KSR2: variants seen among roughly 807,000 people sequenced by gnomAD.
KSR2 encodes the protein kinase suppressor of ras 2.
Under a neutral mutation model 107.8 loss-of-function variants are expected in KSR2, and 25 were observed. The observed-to-expected ratio is 0.23, with a 90% CI of 0.17 to 0.32. The LOEUF (loss-of-function observed/expected upper bound fraction) is 0.32, where lower values mean the gene tolerates loss of function less well. Ranked by LOEUF, KSR2 falls within the 10% of genes least tolerant of loss-of-function variation. The pLI is 1.00. For missense variants in KSR2, 887 were observed against 1,268.9 expected (o/e 0.70, Z 4.57); for synonymous variants, 480 against 507.0 (o/e 0.95, Z 0.71).
Position 117,749,364 on chromosome 12 carries a change from T to A in KSR2, c.986+11647A>T, listed in dbSNP as rs546804680. Reference sequence around the variant, plus strand: ...TCACAAGGCTAATTAGTAGCCAAGGTGGGATTCACCTTGGGCTCCTTCTAA... The same window carrying A: ...TCACAAGGCTAATTAGTAGCCAAGGAGGGATTCACCTTGGGCTCCTTCTAA... On this transcript the variant is annotated intron_variant, in intron 4 of 19. Transcript: ENST00000339824. Among the ~76,000 whole-genome samples the A allele has an allele frequency of 4.0e-5, 6 of 151,832 alleles. No homozygotes were observed. In the East Asian group the frequency reaches 7.9e-4, roughly 20 times the overall value.
At chr12:117,583,779 T>C (rs763528575) in intron 5 of KSR2, among the ~76,000 whole-genome samples, 7 of 152,046 alleles carry the variant, frequency 4.6e-5, no homozygotes, top group Non-Finnish European at 8.8e-5. Context: ...CTCGTCCTGC[T>C]TGTGGAATCT....
At chr12:117,722,373 C>T (rs1031609322) in intron 4 of KSR2, among the ~76,000 whole-genome samples, 7 of 152,202 alleles carry the variant, frequency 4.6e-5, no homozygotes, top group East Asian at 3.9e-4. Flanking sequence ...ACCTACTGGG[C>T]GGCATTCCCG....
At chr12:117,960,748 T>A (rs1327189446) in intron 1 of KSR2, among the ~76,000 whole-genome samples, 4 of 152,094 alleles carry the variant, frequency 2.6e-5, no homozygotes, top group African/African-American at 9.7e-5. Flanking sequence ...TGACAGCTTA[T>A]CATTAGCTGT....
intron 1 of KSR2, among the ~76,000 whole-genome samples, chr12:117,947,087 G>A (rs1460405792): frequency 6.6e-6 from 1 of 151,664 alleles, no homozygotes; most frequent in Non-Finnish European, 1.5e-5. Context: ...AGAATCACTT[G>A]AACCCAGGAG....
intron 4 of KSR2, among the ~76,000 whole-genome samples, chr12:117,730,078 C>T (rs1474478353): frequency 1.3e-5 from 2 of 152,136 alleles, no homozygotes; most frequent in African/African-American, 4.8e-5. Context: ...TCCAGTCTGC[C>T]ATAGTAGCAT....
At chr12:117,794,240 CACACCAACATGCACACAT>C (rs1291023511) in intron 3 of KSR2, among the ~76,000 whole-genome samples, 3 of 74,380 alleles carry the variant, frequency 4.0e-5, no homozygotes, top group South Asian at 5.8e-4. Context: ...CATGCACACT[CACACCAACATGCACACAT>C]ACACCAACAT....
At chr12:117,900,380 A>G (rs1894645535) in intron 1 of KSR2, among the ~76,000 whole-genome samples, 1 of 152,224 alleles carries the variant, frequency 6.6e-6, no homozygotes, top group Non-Finnish European at 1.5e-5. Flanking sequence ...AAACCTTGAT[A>G]GCAGCTAAAG....
At chr12:117,576,021 C>T (rs907573963) in intron 7 of KSR2, among the ~76,000 whole-genome samples, 6 of 152,180 alleles carry the variant, frequency 3.9e-5, no homozygotes, top group Non-Finnish European at 7.3e-5. Context: ...AAGCTTACCC[C>T]CCCACCCTAT....
intron 3 of KSR2, among the ~76,000 whole-genome samples, chr12:117,812,598 G>T (rs1335030254): frequency 6.6e-6 from 1 of 151,984 alleles, no homozygotes; most frequent in African/African-American, 2.4e-5. Flanking sequence ...TGCTAGCTAA[G>T]AAGAGTCCCC....
intron 3 of KSR2, among the ~76,000 whole-genome samples, chr12:117,831,717 G>A (rs1891977569): frequency 6.6e-6 from 1 of 152,186 alleles, no homozygotes; most frequent in East Asian, 1.9e-4. Flanking sequence ...AACAACCCAA[G>A]AGGTAGGGAC....
intron 5 of KSR2, among the ~76,000 whole-genome samples, chr12:117,609,854 A>C (rs928649139): frequency 9.2e-5 from 14 of 152,186 alleles, no homozygotes; most frequent in Non-Finnish European, 1.2e-4. Flanking sequence ...GACAGCCAAA[A>C]ATGTTTCCAG....
Position 117,755,987 on chromosome 12 carries a change from C to T in KSR2, c.986+5024G>A, listed in dbSNP as rs190368869. Among the ~76,000 whole-genome samples the T allele has an allele frequency of 3.3e-5, 5 of 152,308 alleles. No individual in the cohort carries two copies. In the East Asian group the frequency reaches 9.7e-4, roughly 29 times the overall value. On this transcript the variant is annotated intron_variant, in intron 4 of 19. Transcript: ENST00000339824. ...AGCCTAATCCAGAGCAGGGCCCTAACTCTCTTCAATTCTATGAAGGCTGAG... is the reference window on the plus strand; with the variant it reads ...AGCCTAATCCAGAGCAGGGCCCTAATTCTCTTCAATTCTATGAAGGCTGAG...
chr12:117,711,718 G>T (rs1208264714), intron 4 of KSR2, among the ~76,000 whole-genome samples: 1 of 152,200 alleles, frequency 6.6e-6, no homozygotes, highest in Non-Finnish European at 1.5e-5. Flanking sequence ...CTCATGGAAG[G>T]ATCTTTCTGA....
chr12:117,539,654 ACC>A, intron 10 of KSR2, 63 bp downstream of exon 10: 1 of 1,388,674 alleles, frequency 7.2e-7, no homozygotes. Context: ...GCATGAACCC[ACC>A]CCCTCCCTAA....
At chr12:117,685,326 G>C (rs950233742) in intron 4 of KSR2, among the ~76,000 whole-genome samples, 1 of 152,166 alleles carries the variant, frequency 6.6e-6, no homozygotes, top group Non-Finnish European at 1.5e-5. Flanking sequence ...ATTTCCGACT[G>C]AACCAGAGCT....
chr12:117,918,024 C>T (rs1236926620), intron 1 of KSR2, among the ~76,000 whole-genome samples: 2 of 152,172 alleles, frequency 1.3e-5, no homozygotes, highest in African/African-American at 4.8e-5. Context: ...CTCAGTTCAT[C>T]CCATCTCTAA....
Position 117,471,332 on chromosome 12 carries a change from C to A in KSR2, c.2583-12G>T. On this transcript the variant is annotated splice_polypyrimidine_tract_variant and intron_variant, in intron 17 of 19. Coordinates refer to ENST00000339824, the MANE Select transcript of KSR2 (RefSeq NM_173598.6). ...CATACCAGATTGTGCTGTTGGCAGA[C>A]GTTGTTAAAGGGGTGTTGGTGTGGT... 1.2e-6 allele frequency: 2 copies of A among 1,610,858 alleles called. No homozygotes were observed. The highest frequency in any genetic ancestry group is 1.7e-6 in the Non-Finnish European group (2 of 1,178,380).
At chr12:117,775,413 G>T (rs961176246) in intron 3 of KSR2, among the ~76,000 whole-genome samples, 1 of 152,114 alleles carries the variant, frequency 6.6e-6, no homozygotes, top group Non-Finnish European at 1.5e-5. Flanking sequence ...AACATTTATC[G>T]AGCACTTACT....
At chr12:117,819,271 G>A (rs1316518596) in intron 3 of KSR2, among the ~76,000 whole-genome samples, 3 of 152,044 alleles carry the variant, frequency 2.0e-5, no homozygotes, top group Non-Finnish European at 1.5e-5. Context: ...CACTGCAGGT[G>A]TACACCAGCT....
Sources: gnomAD v4.1 joint callset for allele counts (sites outside exome capture counted in the v4.1 genomes callset) on GRCh38, gnomAD v4.1.1 for gene constraint, MANE v1.5 for transcripts, NCBI Gene and HGNC (gene_info 2026-07-23, HGNC 2026-07-21) for gene names.